Variants in ARL8A observed in about 807,000 individuals in gnomAD.
The protein encoded by ARL8A is ARF like GTPase 8A, also known as ADP-ribosylation factor-like protein 8A.
In ARL8A, 10 loss-of-function variants were observed where a neutral mutation model predicts 31.2. The ratio of observed to expected loss-of-function variants is 0.32; its 90% CI spans 0.20 to 0.54. ARL8A has a LOEUF of 0.54. Ranked by LOEUF, ARL8A falls within the 20% of genes least tolerant of loss-of-function variation. The pLI is 0.93. For missense variants in ARL8A, 129 were observed against 242.8 expected (o/e 0.53, Z 3.12); for synonymous variants, 70 against 86.9 (o/e 0.81, Z 1.08).
Position 202,134,521 on chromosome 1 carries a change from T to C in ARL8A, c.512-5A>G, listed in dbSNP as rs762448631. On this transcript the variant is annotated splice_polypyrimidine_tract_variant and splice_region_variant and intron_variant, in intron 6 of 6. Coordinates refer to ENST00000272217, the MANE Select transcript of ARL8A (RefSeq NM_138795.4). This position sits in a 1 kb window ranked among gnomAD's most constrained non-coding sequence, Gnocchi z 4.2. Reference sequence around the variant, plus strand: ...TAAGCCACTGTAGGGTGATGTCTGATAGGAGAAAAGAGAACAGCTTATAAG... The same window carrying C: ...TAAGCCACTGTAGGGTGATGTCTGACAGGAGAAAAGAGAACAGCTTATAAG... The C allele has an allele frequency of 1.9e-6, 3 of 1,612,426 alleles. No homozygotes were observed. In the South Asian group the frequency reaches 3.3e-5, roughly 18 times the overall value.
rs1213867889 is a variant in ARL8A, at chr1:202,144,040, T to A, written c.123+410A>T. Among the ~76,000 whole-genome samples, 1 of 152,136 alleles carries A rather than the reference T, an allele frequency of 6.6e-6. No homozygotes were observed. Among genetic ancestry groups the A allele is most frequent in the Non-Finnish European group, 1.5e-5 (1 of 67,998 alleles). On this transcript the variant is annotated intron_variant, in intron 1 of 6. Coordinates refer to ENST00000272217, the MANE Select transcript of ARL8A (RefSeq NM_138795.4). This position sits in a 1 kb window ranked among gnomAD's most constrained non-coding sequence, Gnocchi z 5.2. ...CAAGCCTCTCGGCCGCCCCGTCCCG[T>A]GACCCTCTACCCGCGGGACAGGAAG...
Position 202,138,109 on chromosome 1 carries a change from C to T in ARL8A, c.205-71G>A, listed in dbSNP as rs752404417. 26 of 1,534,634 alleles carry T rather than the reference C, an allele frequency of 1.7e-5. No homozygotes were observed. The highest frequency in any genetic ancestry group is 3.7e-4 in the Middle Eastern group (2 of 5,462). The stretch of plus-strand genomic sequence containing the variant: ...CAAAACGTGTCTTGGGTCTCAAATG[C>T]CCCCTCCTACCCTGCCCTACTCTCC... On this transcript the variant is annotated intron_variant, in intron 2 of 6. Transcript: ENST00000272217. This position sits in a 1 kb window ranked among gnomAD's most constrained non-coding sequence, Gnocchi z 4.4.
In ARL8A at chr1:202,144,276, C is replaced by T. The variant is rs1337877786; in HGVS notation, c.123+174G>A. Among the ~76,000 whole-genome samples the T allele has an allele frequency of 6.6e-6, 1 of 151,768 alleles. No homozygotes were observed. The highest frequency in any genetic ancestry group is 1.5e-5 in the Non-Finnish European group (1 of 67,878). On this transcript the variant is annotated intron_variant, in intron 1 of 6. Coordinates refer to ENST00000272217, the MANE Select transcript of ARL8A (RefSeq NM_138795.4). The surrounding 1 kb of genome is among the most constrained non-coding windows in gnomAD (Gnocchi z 5.2). The stretch of plus-strand genomic sequence containing the variant: ...GGTCGCGCGCCGCCCCGGTCCCCCA[C>T]GGCACGGGCCGTACTAGGCCCCAAG...
intron 3 of ARL8A, among the ~76,000 whole-genome samples, 182 bp downstream of exon 3, chr1:202,137,783 C>G (rs1162441441): frequency 1.3e-5 from 2 of 152,140 alleles, no homozygotes; most frequent in African/African-American, 4.8e-5. Flanking sequence ...TAGTGAGTGC[C>G]CAGGGCATTT....
chr1:202,139,356 G>A (rs545102476), intron 1 of ARL8A, among the ~76,000 whole-genome samples: 3 of 151,976 alleles, frequency 2.0e-5, no homozygotes, highest in African/African-American at 7.2e-5. Flanking sequence ...GGCAGATCAC[G>A]AGGTCAGGAG....
chr1:202,135,617 T>A lies in ARL8A; in HGVS notation c.372+90A>T. The A allele has an allele frequency of 6.3e-7, 1 of 1,577,436 alleles. No individual in the cohort carries two copies. Among genetic ancestry groups the A allele is most frequent in the Non-Finnish European group, 8.7e-7 (1 of 1,147,378 alleles). On this transcript the variant is annotated intron_variant, in intron 4 of 6. Coordinates refer to ENST00000272217, the MANE Select transcript of ARL8A (RefSeq NM_138795.4). The surrounding 1 kb of genome is among the most constrained non-coding windows in gnomAD (Gnocchi z 5.3). ...CTGGCCTCCTGGGTCCCGTTTCCTC[T>A]CTGCGCCCCTACCATGCCTGGCTTT...
chr1:202,137,863 G>C, intron 3 of ARL8A, 102 bp downstream of exon 3: 1 of 1,283,024 alleles, frequency 7.8e-7, no homozygotes, highest in Non-Finnish European at 1.1e-6. Context: ...ATGAACCAAG[G>C]ATTATGTCTA....
rs1405039344 is a variant in ARL8A at position 202,144,675 on chromosome 1, C to T, written c.-103G>A. The T allele has an allele frequency of 2.8e-6, 3 of 1,056,440 alleles. No homozygotes were observed. Among genetic ancestry groups the T allele is most frequent in the African/African-American group, 1.7e-5 (1 of 58,248 alleles). The allele number at this position is 1,056,440 out of a possible 1,614,324, so 65.4% of individuals were successfully genotyped here. On this transcript the variant is annotated 5_prime_UTR_variant, in exon 1 of 7. Transcript: ENST00000272217. This position sits in a 1 kb window ranked among gnomAD's most constrained non-coding sequence, Gnocchi z 5.2. ...CCTCCCCGGTACGGCCCGGGTCCCG[C>T]GGCTCGGTGCGGGCGGAGGCTCGAG...
In ARL8A at chr1:202,144,512, T is replaced by G; in HGVS notation, c.61A>C (p.Met21Leu). The G allele has an allele frequency of 1.3e-6, 2 of 1,485,018 alleles. No individual in the cohort carries two copies. Among genetic ancestry groups the G allele is most frequent in the Non-Finnish European group, 1.8e-6 (2 of 1,099,836 alleles). 92.0% of individuals were successfully genotyped at this position (1,485,018 alleles called of 1,614,324 possible). ...WFKALFWKEE[M>L]ELTLVGLQYS... is the part of the protein sequence containing the mutation. ...TGAAGCCCGACCAGCGTGAGCTCCA[T>G]CTCCTCCTTCCAGAATAGGGCCTTG... Residue 21 changes from methionine to leucine, a missense_variant, in exon 1 of 7, where the codon ATG becomes CTG. Coordinates refer to ENST00000272217, the MANE Select transcript of ARL8A (RefSeq NM_138795.4). The surrounding 1 kb of genome is among the most constrained non-coding windows in gnomAD (Gnocchi z 5.2).
rs888431712 is a variant in ARL8A, at chr1:202,138,518, C to A, written c.124-70G>T. On this transcript the variant is annotated intron_variant, in intron 1 of 6. Transcript: ENST00000272217. This position sits in a 1 kb window ranked among gnomAD's most constrained non-coding sequence, Gnocchi z 4.4. ...GCCCCCACCGCAGACCAAGAGGCTG[C>A]GAGAACCATGCAGAGGCCAGGCCAG... 1.4e-6 allele frequency: 2 copies of A among 1,466,528 alleles called. No individual in the cohort carries two copies. The highest frequency in any genetic ancestry group is 9.5e-7 in the Non-Finnish European group (1 of 1,048,188). The allele number at this position is 1,466,528 out of a possible 1,614,324, so 90.8% of individuals were successfully genotyped here.
In ARL8A at chr1:202,134,833, C is replaced by T. The variant is rs116358781; in HGVS notation, c.511+317G>A. 3.0e-3 allele frequency among the ~76,000 whole-genome samples: 458 copies of T among 152,244 alleles called. 2 individuals are homozygous for T. Among genetic ancestry groups the T allele is most frequent in the African/African-American group, 0.01 (431 of 41,548 alleles). On this transcript the variant is annotated intron_variant, in intron 6 of 6. Transcript: ENST00000272217. The surrounding 1 kb of genome is among the most constrained non-coding windows in gnomAD (Gnocchi z 4.2). ...CCACATGGCCCTGAATGAGTAGTAG[C>T]GGAATTCAGGTGCTGGGAAAGAGAC...
At chr1:202,136,984 AGC>A (rs1558305758) in intron 3 of ARL8A, among the ~76,000 whole-genome samples, 1 of 151,976 alleles carries the variant, frequency 6.6e-6, no homozygotes, top group Non-Finnish European at 1.5e-5. Flanking sequence ...CCTCGCGAGT[AGC>A]TGGGACTACA....
chr1:202,138,453 A>G lies in ARL8A; in HGVS notation c.124-5T>C, dbSNP rs1571720779. 1 of 1,613,736 alleles carries G rather than the reference A, an allele frequency of 6.2e-7. No individual in the cohort carries two copies. Among genetic ancestry groups the G allele is most frequent in the East Asian group, 2.2e-5 (1 of 44,884 alleles). ...GTCCTCGTTGAACTGTCCTGACTGGAAAGAAGACTCAGAATGGGAAACAGT... is the reference window on the plus strand; with the variant it reads ...GTCCTCGTTGAACTGTCCTGACTGGGAAGAAGACTCAGAATGGGAAACAGT... On this transcript the variant is annotated splice_region_variant and splice_polypyrimidine_tract_variant and intron_variant, in intron 1 of 6. Transcript: ENST00000272217. This position sits in a 1 kb window ranked among gnomAD's most constrained non-coding sequence, Gnocchi z 4.4.
chr1:202,143,802 TC>T (rs1206033553), intron 1 of ARL8A, among the ~76,000 whole-genome samples: 2 of 152,070 alleles, frequency 1.3e-5, no homozygotes, highest in East Asian at 3.9e-4. Context: ...GTCTCCAAAC[TC>T]CCGTTACCAT....
In ARL8A at chr1:202,135,049, G is replaced by A; in HGVS notation, c.511+101C>T. 8.2e-7 allele frequency: 1 copy of A among 1,221,122 alleles called. No homozygotes were observed. Among genetic ancestry groups the A allele is most frequent in the African/African-American group, 1.5e-5 (1 of 66,670 alleles). 75.6% of individuals were successfully genotyped at this position (1,221,122 alleles called of 1,614,324 possible). A position where few individuals can be genotyped will look rare whatever the true frequency, so the allele number is the denominator to read the frequency against. On this transcript the variant is annotated intron_variant, in intron 6 of 6. Transcript: ENST00000272217. This position sits in a 1 kb window ranked among gnomAD's most constrained non-coding sequence, Gnocchi z 5.3. Reference sequence around the variant, plus strand: ...TGCCTTTTCTACCCAAGAGCCACAGGGCTTTGGACTTCAGGGAAAGTTGTG... The same window carrying A: ...TGCCTTTTCTACCCAAGAGCCACAGAGCTTTGGACTTCAGGGAAAGTTGTG...
At position 202,135,333 on chromosome 1, in the gene ARL8A, T is replaced by C. The variant is rs1654976106; in HGVS notation, c.441-113A>G. On this transcript the variant is annotated intron_variant, in intron 5 of 6. Coordinates refer to ENST00000272217, the MANE Select transcript of ARL8A (RefSeq NM_138795.4). The surrounding 1 kb of genome is among the most constrained non-coding windows in gnomAD (Gnocchi z 5.3). ...AGAGGCTACAAAGGGGAGGGTGAGG[T>C]GCCTGAAAAGGTCGGCTCTGCTGCC... The C allele has an allele frequency of 6.9e-7, 1 of 1,451,468 alleles. No homozygotes were observed. The highest frequency in any genetic ancestry group is 9.7e-7 in the Non-Finnish European group (1 of 1,033,988). 89.9% of individuals were successfully genotyped at this position (1,451,468 alleles called of 1,614,324 possible).
At position 202,138,455 on chromosome 1, in the gene ARL8A, A is replaced by G; in HGVS notation, c.124-7T>C. 6.2e-7 allele frequency: 1 copy of G among 1,613,548 alleles called. No homozygotes were observed. The highest frequency in any genetic ancestry group is 8.5e-7 in the Non-Finnish European group (1 of 1,179,456). ...CCTCGTTGAACTGTCCTGACTGGAA[A>G]GAAGACTCAGAATGGGAAACAGTGC... On this transcript the variant is annotated splice_region_variant and splice_polypyrimidine_tract_variant and intron_variant, in intron 1 of 6. Coordinates refer to ENST00000272217, the MANE Select transcript of ARL8A (RefSeq NM_138795.4). The surrounding 1 kb of genome is among the most constrained non-coding windows in gnomAD (Gnocchi z 4.4).
intron 1 of ARL8A, among the ~76,000 whole-genome samples, chr1:202,143,239 A>G (rs180701435): frequency 6.6e-6 from 1 of 152,280 alleles, no homozygotes; most frequent in East Asian, 1.9e-4. Context: ...CCGCCCCTCG[A>G]GCTTTCCATC....
chr1:202,141,953 C>T (rs955205864), intron 1 of ARL8A, among the ~76,000 whole-genome samples: 2 of 152,082 alleles, frequency 1.3e-5, no homozygotes, highest in South Asian at 2.1e-4. Flanking sequence ...CTGCAGCCTC[C>T]GCCTCCTGGG....
Sources: gnomAD v4.1 joint callset for allele counts (sites outside exome capture counted in the v4.1 genomes callset) on GRCh38, gnomAD v4.1.1 for gene constraint, Gnocchi (gnomAD v3.1) non-coding constraint, MANE v1.5 for transcripts, NCBI Gene and HGNC (gene_info 2026-07-23, HGNC 2026-07-21) for gene names.